PCDHGB2: variants seen among roughly 807,000 people sequenced by gnomAD.
The protein encoded by PCDHGB2 is protocadherin gamma subfamily B, 2.
PCDHGB2 carries 55 observed loss-of-function variants against 59.3 expected under a neutral mutation model. That is an observed-to-expected ratio of 0.93 (90% CI 0.75 to 1.16). The LOEUF is 1.16. Among genes scored for constraint, PCDHGB2 ranks in the 50% most tolerant of loss-of-function variants. The pLI, the probability that PCDHGB2 is intolerant of heterozygous loss-of-function variation, is 0.00. For missense variants in PCDHGB2, 1,228 were observed against 1,198.5 expected, an observed-to-expected ratio of 1.02 and a Z score of -0.36; for synonymous variants, 516 against 512.0, an observed-to-expected ratio of 1.01 and a Z score of -0.11.
intron 1 of PCDHGB2, chr5:141,390,525 G>C: frequency 1.8e-6 from 1 of 552,024 alleles, no homozygotes; most frequent in Non-Finnish European, 3.2e-6. Context: ...CAATGAGGGT[G>C]TGGTTTTAAC....
chr5:141,422,928 C>T lies in PCDHGB2; in HGVS notation c.2421+60372C>T, dbSNP rs781145334. 4 of 1,614,128 alleles carry T rather than the reference C, an allele frequency of 2.5e-6. No individual in the cohort carries two copies. In the African/African-American group the frequency reaches 4.0e-5, roughly 16 times the overall value. On this transcript the variant is annotated intron_variant, in intron 1 of 3. Transcript: ENST00000522605. ...ATGCGCCCGAGATCCTGTACCCTGC[C>T]CTCCCCACAGACGGCTCCACTGGCG...
intron 1 of PCDHGB2, chr5:141,399,671 C>T (rs764084700): frequency 1.2e-6 from 2 of 1,613,512 alleles, no homozygotes; most frequent in East Asian, 4.5e-5. Flanking sequence ...GCGCAGCGCG[C>T]CTTTGACTAC....
At position 141,478,147 on chromosome 5, in the gene PCDHGB2, C is replaced by T. The variant is rs199689679; in HGVS notation, c.2422-16660C>T. On this transcript the variant is annotated intron_variant, in intron 1 of 3. Transcript: ENST00000522605. The stretch of plus-strand genomic sequence containing the variant: ...ACTCTCCTGAAGCCCGAGCCGAGTT[C>T]CCCTCTGGCTCTGCCCCCCGGGAGC... The T allele has an allele frequency of 2.0e-5, 32 of 1,614,076 alleles. 1 individual carries two copies. In the East Asian group the frequency reaches 5.3e-4, roughly 27 times the overall value.
chr5:141,469,762 A>G (rs547099941), intron 1 of PCDHGB2, among the ~76,000 whole-genome samples: 15 of 152,360 alleles, frequency 9.8e-5, no homozygotes, highest in African/African-American at 3.4e-4. Flanking sequence ...ATACATATAT[A>G]CCAGCTTATT....
In PCDHGB2 at chr5:141,489,327, G is replaced by A; in HGVS notation, c.2422-5480G>A. The A allele has an allele frequency of 6.2e-7, 1 of 1,603,940 alleles. No individual in the cohort carries two copies. Among genetic ancestry groups the A allele is most frequent in the South Asian group, 1.1e-5 (1 of 89,400 alleles). ...TGTGCTGCTGGGGCTGGGTGTCTGG[G>A]CAGCTTCGTTACTCAGTGGTGGAGG... is the stretch of plus-strand genomic sequence containing the variant. On this transcript the variant is annotated intron_variant, in intron 1 of 3. Transcript: ENST00000522605. This position sits in a 1 kb window ranked among gnomAD's most constrained non-coding sequence, Gnocchi z 4.5.
intron 1 of PCDHGB2, among the ~76,000 whole-genome samples, chr5:141,470,459 AT>A: frequency 6.6e-6 from 1 of 152,096 alleles, no homozygotes; most frequent in East Asian, 1.9e-4. Flanking sequence ...CTTGAATAGG[AT>A]TTTCTGATAT....
intron 1 of PCDHGB2, chr5:141,423,007 G>C (rs772337723): frequency 1.9e-6 from 3 of 1,614,242 alleles, no homozygotes; most frequent in Non-Finnish European, 2.5e-6. Flanking sequence ...CAAGGTGGTT[G>C]CGGTGGACAA....
In PCDHGB2 at chr5:141,421,780, G is replaced by A. The variant is rs1259671007; in HGVS notation, c.2421+59224G>A. On this transcript the variant is annotated intron_variant, in intron 1 of 3. Coordinates refer to ENST00000522605, the MANE Select transcript of PCDHGB2 (RefSeq NM_018923.3). ...TAATTACTTTTCCTTGCAACTGCGGGGCAGAACGGATGGGGCCAAGAATCC... is the reference window on the plus strand; with the variant it reads ...TAATTACTTTTCCTTGCAACTGCGGAGCAGAACGGATGGGGCCAAGAATCC... The A allele has an allele frequency of 2.5e-6, 4 of 1,613,856 alleles. No homozygotes were observed. In the South Asian group the frequency reaches 4.4e-5, roughly 18 times the overall value.
Position 141,362,189 on chromosome 5 carries a change from A to G in PCDHGB2, c.2054A>G (p.Gln685Arg), listed in dbSNP as rs745893208. The G allele has an allele frequency of 5.6e-6, 9 of 1,613,796 alleles. No individual in the cohort carries two copies. Among genetic ancestry groups the G allele is most frequent in the Non-Finnish European group, 3.4e-6 (4 of 1,179,880 alleles). ...GACCGCCGGGAGCCCTCTGACCCCC[A>G]GGCAAAACTGCAGTTTTACCTGGTT... ...LSDRREPSDP[Q>R]AKLQFYLVVA... The change falls in exon 1 of 4, where the codon CAG becomes CGG. Residue 685 changes from glutamine to arginine, a missense_variant. Transcript: ENST00000522605.
intron 2 of PCDHGB2, among the ~76,000 whole-genome samples, chr5:141,501,876 C>T (rs1463329895): frequency 6.6e-6 from 1 of 152,118 alleles, no homozygotes; most frequent in East Asian, 1.9e-4. Context: ...CGCCTCCTTA[C>T]ACTCCTGATC....
At chr5:141,430,996 G>C in intron 1 of PCDHGB2, 8 of 1,614,024 alleles carry the variant, frequency 5.0e-6, no homozygotes, top group Middle Eastern at 3.3e-4. Context: ...CCCTGAATCC[G>C]CGCAGCGGCA....
intron 1 of PCDHGB2, chr5:141,365,618 C>T: frequency 6.2e-7 from 1 of 1,613,564 alleles, no homozygotes; most frequent in Non-Finnish European, 8.5e-7. Flanking sequence ...CCATGGAACC[C>T]CGCCCCTCTC....
intron 1 of PCDHGB2, chr5:141,393,918 T>C: frequency 6.2e-7 from 1 of 1,613,982 alleles, no homozygotes; most frequent in Non-Finnish European, 8.5e-7. Context: ...AATTGCCTTC[T>C]TGAGTGTGCA....
chr5:141,370,485 GA>G, intron 1 of PCDHGB2: 1 of 1,613,916 alleles, frequency 6.2e-7, no homozygotes, highest in South Asian at 1.1e-5. Flanking sequence ...GGCTCTCTCC[GA>G]ACCGATCCGC....
At chr5:141,406,173 T>C (rs1317526026) in intron 1 of PCDHGB2, among the ~76,000 whole-genome samples, 2 of 151,712 alleles carry the variant, frequency 1.3e-5, no homozygotes, top group African/African-American at 4.8e-5. Context: ...CCTGGGCTTA[T>C]GCAATCCTCC....
At chr5:141,509,544 A>AT (rs1312201678) in intron 3 of PCDHGB2, among the ~76,000 whole-genome samples, 1 of 152,150 alleles carries the variant, frequency 6.6e-6, no homozygotes, top group Non-Finnish European at 1.5e-5. Context: ...GCACCATCTC[A>AT]TTTAGTCCTC....
chr5:141,409,130 G>T (rs1265386524), intron 1 of PCDHGB2: 1 of 1,613,994 alleles, frequency 6.2e-7, no homozygotes, highest in Admixed American at 1.7e-5. Context: ...ATTTGATTTT[G>T]AAGATGTAGA....
chr5:141,360,071 C>G lies in PCDHGB2; in HGVS notation c.-65C>G, dbSNP rs1437890695. ...CAAAAGCAGGAAAAGTGACCTTAGC[C>G]CGGATTCTGCCATCCCCGGAAGGCT... On this transcript the variant is annotated 5_prime_UTR_variant, in exon 1 of 4. Coordinates refer to ENST00000522605, the MANE Select transcript of PCDHGB2 (RefSeq NM_018923.3). 6.8e-7 allele frequency: 1 copy of G among 1,472,642 alleles called. No individual in the cohort carries two copies. Among genetic ancestry groups the G allele is most frequent in the Non-Finnish European group, 9.0e-7 (1 of 1,110,432 alleles). The allele number at this position is 1,472,642 out of a possible 1,614,324, so 91.2% of individuals were successfully genotyped here. A position where few individuals can be genotyped will look rare whatever the true frequency, so the allele number is the denominator to read the frequency against.
Position 141,361,128 on chromosome 5 carries a change from C to T in PCDHGB2, c.993C>T (p.Cys331=). 1 of 1,613,960 alleles carries T rather than the reference C, an allele frequency of 6.2e-7. No individual in the cohort carries two copies. Among genetic ancestry groups the T allele is most frequent in the African/African-American group, 1.3e-5 (1 of 75,038 alleles). Residue 331 remains cysteine, a synonymous_variant, in exon 1 of 4, where the codon TGC becomes TGT. Transcript: ENST00000522605. The part of the protein sequence containing the change: ...AKDPGDLAAH[C]SIQVEILDDN... Reference sequence around the variant, plus strand: ...ATCCTGGAGATCTAGCAGCCCACTGCAGTATCCAAGTTGAAATTCTTGATG... The same window carrying T: ...ATCCTGGAGATCTAGCAGCCCACTGTAGTATCCAAGTTGAAATTCTTGATG...
Sources: allele counts gnomAD v4.1 joint callset (sites outside exome capture counted in the v4.1 genomes callset), GRCh38; gene constraint gnomAD v4.1.1; non-coding constraint Gnocchi (gnomAD v3.1); transcripts MANE v1.5; gene names NCBI Gene and HGNC (gene_info 2026-07-23, HGNC 2026-07-21).